GRID2: variants seen among roughly 807,000 people sequenced by gnomAD.
The protein encoded by GRID2 is glutamate ionotropic receptor delta type subunit 2.
In GRID2, 33 loss-of-function variants were observed where a neutral mutation model predicts 114.8. The observed-to-expected ratio is 0.29, with a 90% CI of 0.22 to 0.38. The LOEUF (loss-of-function observed/expected upper bound fraction) is 0.38, where lower values mean the gene tolerates loss of function less well. Among genes scored for constraint, GRID2 ranks in the 10% least tolerant of loss-of-function variants. The pLI, the probability that GRID2 is intolerant of heterozygous loss-of-function variation, is 1.00. For synonymous variants in GRID2, 505 were observed against 449.9 expected (o/e 1.12, Z -1.55); for missense variants, 1,184 against 1,257.7 (o/e 0.94, Z 0.89).
At chr4:93,173,881 T>G (rs955398877) in intron 4 of GRID2, among the ~76,000 whole-genome samples, 3 of 152,164 alleles carry the variant, frequency 2.0e-5, no homozygotes, top group Admixed American at 2.0e-4. Context: ...TCTGCCTGCC[T>G]TGGTGCGCTG....
At chr4:92,339,478 G>GCC (rs1447265516) in intron 1 of GRID2, among the ~76,000 whole-genome samples, 2 of 151,946 alleles carry the variant, frequency 1.3e-5, no homozygotes, top group East Asian at 1.9e-4. Context: ...ACCATTTATC[G>GCC]ACTATATATA....
intron 14 of GRID2, among the ~76,000 whole-genome samples, chr4:93,666,765 G>A (rs1014331296): frequency 6.6e-6 from 1 of 152,012 alleles, no homozygotes; most frequent in Non-Finnish European, 1.5e-5. Context: ...AGACTAAGTA[G>A]CTTCTCAGAT....
intron 2 of GRID2, among the ~76,000 whole-genome samples, chr4:92,618,878 T>A (rs1730137132): frequency 6.6e-6 from 1 of 151,820 alleles, no homozygotes; most frequent in Admixed American, 6.6e-5. Flanking sequence ...ATGTTGATAT[T>A]CTATCCTGAA....
intron 2 of GRID2, 66 bp from the exon 3 acceptor site, chr4:93,084,929 C>T: frequency 7.9e-7 from 1 of 1,261,270 alleles, no homozygotes; most frequent in Non-Finnish European, 1.1e-6. Context: ...CCATCCAGTG[C>T]TTCTCAAAAA....
intron 14 of GRID2, among the ~76,000 whole-genome samples, chr4:93,627,765 A>T (rs1165562648): frequency 6.6e-6 from 1 of 152,212 alleles, no homozygotes; most frequent in Non-Finnish European, 1.5e-5. Context: ...TCTTGCTTGG[A>T]TGTGGCATAT....
intron 1 of GRID2, among the ~76,000 whole-genome samples, chr4:92,502,503 A>T (rs1322633049): frequency 2.0e-5 from 3 of 152,072 alleles, no homozygotes; most frequent in Non-Finnish European, 4.4e-5. Flanking sequence ...CAACTACATG[A>T]TACATTAGAA....
intron 2 of GRID2, among the ~76,000 whole-genome samples, chr4:92,795,383 A>G (rs988974031): frequency 2.0e-5 from 3 of 151,804 alleles, no homozygotes; most frequent in African/African-American, 7.3e-5. Flanking sequence ...TGCCACCACC[A>G]TGTAAGAAGT....
chr4:93,070,900 T>A (rs1728749143), intron 2 of GRID2, among the ~76,000 whole-genome samples: 1 of 152,116 alleles, frequency 6.6e-6, no homozygotes, highest in Non-Finnish European at 1.5e-5. Context: ...AATTTCTAGC[T>A]ATGAATTAAA....
At chr4:93,525,075 A>C (rs903308771) in intron 13 of GRID2, among the ~76,000 whole-genome samples, 1 of 151,850 alleles carries the variant, frequency 6.6e-6, no homozygotes, top group Non-Finnish European at 1.5e-5. Context: ...CATTCCTTTA[A>C]TCAACAAACA....
intron 2 of GRID2, among the ~76,000 whole-genome samples, chr4:92,613,886 T>C (rs903399856): frequency 6.6e-6 from 1 of 151,650 alleles, no homozygotes; most frequent in South Asian, 2.1e-4. Context: ...TAATTTGTGT[T>C]ATTTTTGTTT....
chr4:92,964,331 G>T lies in GRID2; in HGVS notation c.245-120664G>T, dbSNP rs1175653250. Among the ~76,000 whole-genome samples the T allele has an allele frequency of 2.0e-5, 3 of 151,950 alleles. No individual in the cohort carries two copies. The East Asian group carries it at 5.8e-4, about 30-fold the overall frequency. ...GCTGCTTTATCTTCACTAAAAATATGTTGTTTAAATGAGAACACATGGACA... is the reference window on the plus strand; with the variant it reads ...GCTGCTTTATCTTCACTAAAAATATTTTGTTTAAATGAGAACACATGGACA... On this transcript the variant is annotated intron_variant, in intron 2 of 15. Coordinates refer to ENST00000282020, the MANE Select transcript of GRID2 (RefSeq NM_001510.4).
intron 2 of GRID2, among the ~76,000 whole-genome samples, chr4:92,891,120 C>A (rs1398807267): frequency 6.6e-6 from 1 of 151,416 alleles, no homozygotes; most frequent in East Asian, 1.9e-4. Flanking sequence ...GTTGGGGAGT[C>A]GCGGGGGCTA....
intron 2 of GRID2, among the ~76,000 whole-genome samples, chr4:92,923,184 C>G (rs1313912138): frequency 6.6e-6 from 1 of 152,022 alleles, no homozygotes; most frequent in African/African-American, 2.4e-5. Context: ...TTTAAATTTG[C>G]ATATTTTAAG....
chr4:92,917,825 C>A (rs1365170610), intron 2 of GRID2, among the ~76,000 whole-genome samples: 1 of 152,124 alleles, frequency 6.6e-6, no homozygotes, highest in Non-Finnish European at 1.5e-5. Flanking sequence ...ATTGACATGG[C>A]AATTCAGGCT....
chr4:92,564,168 C>A (rs755861809), intron 1 of GRID2, among the ~76,000 whole-genome samples: 5 of 151,910 alleles, frequency 3.3e-5, no homozygotes, highest in Non-Finnish European at 5.9e-5. Context: ...GAAATTATGT[C>A]TGTGGTATTT....
intron 1 of GRID2, among the ~76,000 whole-genome samples, chr4:92,515,338 C>T (rs1352598041): frequency 6.6e-6 from 1 of 151,856 alleles, no homozygotes; most frequent in South Asian, 2.1e-4. Context: ...TTTCTTAAAA[C>T]TAATCTTCTA....
intron 14 of GRID2, among the ~76,000 whole-genome samples, chr4:93,707,443 C>A (rs1297582475): frequency 6.6e-6 from 1 of 151,980 alleles, no homozygotes; most frequent in African/African-American, 2.4e-5. Flanking sequence ...TTATATGTAT[C>A]TAGAAATTTA....
chr4:93,700,571 T>C (rs1046659002), intron 14 of GRID2, among the ~76,000 whole-genome samples: 18 of 152,176 alleles, frequency 1.2e-4, no homozygotes, highest in Admixed American at 1.1e-3. Flanking sequence ...ATTATATTTC[T>C]AAAATGAGGT....
chr4:93,768,047 T>C (rs907879996), intron 14 of GRID2, among the ~76,000 whole-genome samples: 2 of 152,190 alleles, frequency 1.3e-5, no homozygotes, highest in African/African-American at 4.8e-5. Context: ...TCTTTCCACC[T>C]GCAGCTCCAA....
Sources: gnomAD v4.1 joint callset for allele counts (sites outside exome capture counted in the v4.1 genomes callset) on GRCh38, gnomAD v4.1.1 for gene constraint, MANE v1.5 for transcripts, NCBI Gene and HGNC (gene_info 2026-07-23, HGNC 2026-07-21) for gene names.